ROBO1: variants seen among roughly 807,000 people sequenced by gnomAD.
ROBO1 encodes the protein roundabout guidance receptor 1.
A neutral mutation model predicts 195.9 loss-of-function variants in ROBO1; 149 were observed. The observed-to-expected ratio is 0.76, with a 90% confidence interval of 0.67 to 0.87. The LOEUF is 0.87. ROBO1 is among the 40% of genes least tolerant of loss of function. ROBO1 has a pLI of 0.00. For synonymous variants in ROBO1, 816 were observed against 733.2 expected, an observed-to-expected ratio of 1.11 and a Z score of -1.82; for missense variants, 1,933 against 2,068.3, an observed-to-expected ratio of 0.93 and a Z score of 1.27.
At chr3:79,113,002 A>T (rs1028402351) in intron 3 of ROBO1, among the ~76,000 whole-genome samples, 15 of 152,258 alleles carry the variant, frequency 9.9e-5, no homozygotes, top group Middle Eastern at 3.4e-3. Flanking sequence ...GTCATGTTTT[A>T]TCACCAAATG....
intron 3 of ROBO1, among the ~76,000 whole-genome samples, chr3:78,973,947 G>C (rs1283021031): frequency 6.6e-6 from 1 of 151,900 alleles, no homozygotes; most frequent in Non-Finnish European, 1.5e-5. Flanking sequence ...TACGTAATCA[G>C]CATTGTACAA....
intron 2 of ROBO1, among the ~76,000 whole-genome samples, chr3:79,554,888 G>A (rs1942644029): frequency 6.6e-6 from 1 of 152,050 alleles, no homozygotes; most frequent in Admixed American, 6.6e-5. Context: ...ACAGAATAAA[G>A]GTTGACAATT....
intron 1 of ROBO1, among the ~76,000 whole-genome samples, chr3:79,631,363 T>C (rs1945335118): frequency 6.6e-6 from 1 of 151,654 alleles, no homozygotes; most frequent in Admixed American, 6.6e-5. Context: ...TTCAACAAGA[T>C]CAACAAAAAT....
intron 22 of ROBO1, among the ~76,000 whole-genome samples, chr3:78,638,516 CTG>C (rs1168793780): frequency 6.6e-5 from 10 of 151,732 alleles, no homozygotes; most frequent in African/African-American, 2.4e-4. Flanking sequence ...ACCTTTTGAT[CTG>C]TGTTACTCCC....
intron 4 of ROBO1, among the ~76,000 whole-genome samples, chr3:78,923,096 T>C (rs72904238): frequency 0.011 from 1,644 of 152,284 alleles, 28 homozygotes; most frequent in African/African-American, 0.036. Context: ...ACATATAGCA[T>C]TGCCCTCTTA....
intron 2 of ROBO1, among the ~76,000 whole-genome samples, chr3:79,216,570 G>C (rs2082058661): frequency 6.6e-6 from 1 of 151,874 alleles, no homozygotes; most frequent in African/African-American, 2.4e-5. Flanking sequence ...TTCCCTTCCT[G>C]TGGAGTACCT....
intron 4 of ROBO1, among the ~76,000 whole-genome samples, chr3:78,907,527 C>T (rs1214837366): frequency 6.6e-6 from 1 of 152,036 alleles, no homozygotes; most frequent in Non-Finnish European, 1.5e-5. Context: ...CATTTATTCC[C>T]TTGACCAGAT....
intron 2 of ROBO1, among the ~76,000 whole-genome samples, chr3:79,247,942 C>T (rs879826282): frequency 2.0e-5 from 3 of 152,050 alleles, no homozygotes; most frequent in East Asian, 3.9e-4. Context: ...GTTTCCCTGC[C>T]GGAAATCATT....
chr3:78,770,094 TC>T lies in ROBO1; in HGVS notation c.500-23195del, dbSNP rs1214810581. Among the ~76,000 whole-genome samples the T allele has an allele frequency of 9.2e-5, 14 of 152,250 alleles. 1 individual carries two copies. The highest frequency in any genetic ancestry group is 3.4e-4 in the African/African-American group (14 of 41,536). Reference sequence around the variant, plus strand: ...TTGTGATTAATTTCCCAGGTGTTCTTCTTGCTTCTTGAATTTGGATGTTTAG... The same window carrying T: ...TTGTGATTAATTTCCCAGGTGTTCTTTTGCTTCTTGAATTTGGATGTTTAG... On this transcript the variant is annotated intron_variant, in intron 4 of 30. Coordinates refer to ENST00000464233, the MANE Select transcript of ROBO1 (RefSeq NM_002941.4).
chr3:78,792,361 T>G (rs986876456), intron 4 of ROBO1, among the ~76,000 whole-genome samples: 4 of 152,226 alleles, frequency 2.6e-5, no homozygotes, highest in African/African-American at 9.6e-5. Context: ...GCAACTGTTA[T>G]GAGTTTTAAA....
At chr3:79,147,194 G>A (rs977444913) in intron 2 of ROBO1, among the ~76,000 whole-genome samples, 2 of 151,932 alleles carry the variant, frequency 1.3e-5, no homozygotes, top group African/African-American at 2.4e-5. Flanking sequence ...TATAGTCAAC[G>A]CAATTGGTTC....
intron 2 of ROBO1, among the ~76,000 whole-genome samples, chr3:79,482,369 T>C (rs1653837615): frequency 2.0e-5 from 3 of 152,138 alleles, no homozygotes; most frequent in Admixed American, 1.3e-4. Flanking sequence ...TGGGAGATAA[T>C]TGAATAATTG....
At chr3:79,005,222 C>T (rs2077593050) in intron 3 of ROBO1, among the ~76,000 whole-genome samples, 1 of 152,190 alleles carries the variant, frequency 6.6e-6, no homozygotes. Context: ...CTGACCTCTT[C>T]CCTGCCCGTG....
intron 1 of ROBO1, among the ~76,000 whole-genome samples, chr3:79,624,624 G>A (rs1945112117): frequency 6.6e-6 from 1 of 151,688 alleles, no homozygotes; most frequent in Admixed American, 6.6e-5. Context: ...AATGGAAAAG[G>A]GAACAATTCA....
chr3:79,643,130 T>C (rs1945715355), intron 1 of ROBO1, among the ~76,000 whole-genome samples: 1 of 152,116 alleles, frequency 6.6e-6, no homozygotes, highest in South Asian at 2.1e-4. Context: ...AGAGCAGACT[T>C]GCTGTGTCTT....
At chr3:78,744,841 T>A (rs1474449268) in intron 5 of ROBO1, among the ~76,000 whole-genome samples, 1 of 152,204 alleles carries the variant, frequency 6.6e-6, no homozygotes, top group Non-Finnish European at 1.5e-5. Flanking sequence ...TATGTTACAC[T>A]TATTTATTTT....
chr3:78,671,293 C>T (rs1423723627), intron 10 of ROBO1, among the ~76,000 whole-genome samples: 2 of 151,582 alleles, frequency 1.3e-5, no homozygotes, highest in Non-Finnish European at 2.9e-5. Flanking sequence ...ATATGAAACT[C>T]TATAGTTTTT....
At chr3:78,884,457 A>C (rs111866447) in intron 4 of ROBO1, among the ~76,000 whole-genome samples, 132 of 152,110 alleles carry the variant, frequency 8.7e-4, no homozygotes, top group African/African-American at 3.0e-3. Context: ...TGCAAAAAAA[A>C]TTCTTTAAAA....
chr3:79,294,292 C>G (rs1418407178), intron 2 of ROBO1, among the ~76,000 whole-genome samples: 5 of 152,096 alleles, frequency 3.3e-5, no homozygotes, highest in Admixed American at 2.6e-4. Context: ...AGAAATAATG[C>G]CACACATCTA....
Sources: allele counts gnomAD v4.1 joint callset (sites outside exome capture counted in the v4.1 genomes callset), GRCh38; gene constraint gnomAD v4.1.1; transcripts MANE v1.5; gene names NCBI Gene and HGNC (gene_info 2026-07-23, HGNC 2026-07-21).